The following SPATA6L variants were observed in gnomAD, a reference collection of about 807,000 sequenced individuals.
SPATA6L encodes spermatogenesis associated 6-like protein.
In SPATA6L, 68 loss-of-function variants were observed where a neutral mutation model predicts 49.2. The ratio of observed to expected loss-of-function variants is 1.38; its 90% CI spans 1.14 to 1.69. The LOEUF (loss-of-function observed/expected upper bound fraction) is 1.69, where lower values mean the gene tolerates loss of function less well. Among genes scored for constraint, SPATA6L ranks in the 40% most tolerant of loss-of-function variants. SPATA6L has a pLI of 0.00. For missense variants in SPATA6L, 668 were observed against 464.3 expected, an observed-to-expected ratio of 1.44 and a Z score of -4.03; for synonymous variants, 198 against 165.7, an observed-to-expected ratio of 1.19 and a Z score of -1.50.
At chr9:4,592,094 C>T (rs1213269641) in intron 13 of SPATA6L, among the ~76,000 whole-genome samples, 1 of 152,100 alleles carries the variant, frequency 6.6e-6, no homozygotes, top group Non-Finnish European at 1.5e-5. Flanking sequence ...GCGGGTGGAT[C>T]ATCTGAGGTC....
At position 4,632,079 on chromosome 9, in the gene SPATA6L, G is replaced by A. The variant is rs1248180267; in HGVS notation, c.352-2911C>T. On this transcript the variant is annotated intron_variant, in intron 4 of 11. Transcript: ENST00000682582. ...TTTTGAGATGCAGTCTCACTCTGTCGCCCAGGCTGGAGTGCAGTGGCATGA... is the reference window on the plus strand; with the variant it reads ...TTTTGAGATGCAGTCTCACTCTGTCACCCAGGCTGGAGTGCAGTGGCATGA... Among the ~76,000 whole-genome samples, 10 of 129,484 alleles carry A rather than the reference G, an allele frequency of 7.7e-5. 1 individual carries two copies. In the South Asian group the frequency reaches 2.2e-3, roughly 28 times the overall value. 84.9% of individuals were successfully genotyped at this position (129,484 alleles called of 152,430 possible).
At chr9:4,605,724 C>G (rs1824642015) in intron 9 of SPATA6L, among the ~76,000 whole-genome samples, 1 of 151,892 alleles carries the variant, frequency 6.6e-6, no homozygotes, top group South Asian at 2.1e-4. Flanking sequence ...AGATATTTCT[C>G]TCATGAACAA....
At position 4,618,725 on chromosome 9, in the gene SPATA6L, C is replaced by T. The variant is rs1436436105; in HGVS notation, c.807+139G>A. 17 of 806,878 alleles carry T rather than the reference C, an allele frequency of 2.1e-5. No individual in the cohort carries two copies. In the Admixed American group the frequency reaches 3.6e-4, roughly 17 times the overall value. The allele number at this position is 806,878 out of a possible 1,614,324, so 50.0% of individuals were successfully genotyped here. On this transcript the variant is annotated intron_variant, in intron 8 of 11. Transcript: ENST00000682582. ...AGTATAACATGGAGTCTGGGCACAT[C>T]TTCATACAAACACTAAACTACAGCA...
chr9:4,645,059 C>A (rs1835052420), intron 3 of SPATA6L, among the ~76,000 whole-genome samples: 1 of 152,132 alleles, frequency 6.6e-6, no homozygotes, highest in South Asian at 2.1e-4. Context: ...TCAAAAAAGA[C>A]CTGTATTTAT....
intron 4 of SPATA6L, among the ~76,000 whole-genome samples, chr9:4,632,524 A>C (rs992618256): frequency 6.6e-6 from 1 of 151,058 alleles, no homozygotes; most frequent in Non-Finnish European, 1.5e-5. Context: ...TGAACCTGGG[A>C]GGCAGAGGTT....
chr9:4,627,672 G>A (rs1830598202), intron 5 of SPATA6L: 4 of 1,170,788 alleles, frequency 3.4e-6, no homozygotes, highest in Non-Finnish European at 4.5e-6. Flanking sequence ...AAATTGGGGT[G>A]AGGGAGGCAG....
rs1416740446 is a variant in SPATA6L, at chr9:4,662,162, A to ACCTGTACCT, written c.40-135_40-127dup. 1.4e-6 allele frequency: 2 copies of ACCTGTACCT among 1,461,840 alleles called. No individual in the cohort carries two copies. The highest frequency in any genetic ancestry group is 5.1e-5 in the Admixed American group (2 of 39,354). 90.6% of individuals were successfully genotyped at this position (1,461,840 alleles called of 1,614,324 possible). Reference sequence around the variant, plus strand: ...ATTTTCCCCATCACCTCACTCCCTCACCTGTACCTCCCAACGCCAACATCC... The same window carrying ACCTGTACCT: ...ATTTTCCCCATCACCTCACTCCCTCACCTGTACCTCCTGTACCTCCCAACGCCAACATCC... On this transcript the variant is annotated intron_variant, in intron 1 of 11. Coordinates refer to ENST00000682582, the MANE Select transcript of SPATA6L (RefSeq NM_001353486.2). The surrounding 1 kb of genome is among the most constrained non-coding windows in gnomAD (Gnocchi z 4.9).
chr9:4,650,921 T>G (rs900071381), intron 3 of SPATA6L, among the ~76,000 whole-genome samples: 3 of 151,732 alleles, frequency 2.0e-5, no homozygotes, highest in African/African-American at 4.8e-5. Flanking sequence ...AGGCTGGTCT[T>G]GAACTCCTGA....
intron 3 of SPATA6L, among the ~76,000 whole-genome samples, chr9:4,648,745 G>C (rs112649156): frequency 0.018 from 2,350 of 132,040 alleles, 61 homozygotes; most frequent in African/African-American, 0.063. Context: ...TTCTTTAGTG[G>C]TGATCTGTGA....
At chr9:4,648,377 C>T (rs1835923013) in intron 3 of SPATA6L, among the ~76,000 whole-genome samples, 1 of 152,136 alleles carries the variant, frequency 6.6e-6, no homozygotes, top group Admixed American at 6.5e-5. Context: ...TTTATTTCCA[C>T]AGGTTATTGG....
In SPATA6L at chr9:4,661,919, C is replaced by T; in HGVS notation, c.157G>A (p.Glu53Lys). The T allele has an allele frequency of 6.2e-7, 1 of 1,613,870 alleles. No homozygotes were observed. Among genetic ancestry groups the T allele is most frequent in the Non-Finnish European group, 8.5e-7 (1 of 1,179,810 alleles). ...FPSAFPIMIQESMRFEKVFES... is the reference protein window; with the variant it reads ...FPSAFPIMIQKSMRFEKVFES... ...ATCACCTTTTCAAATCTCATGCTCTCCTGAATCATAATGGGGAACGCAGAG... is the reference window on the plus strand; with the variant it reads ...ATCACCTTTTCAAATCTCATGCTCTTCTGAATCATAATGGGGAACGCAGAG... Residue 53 changes from glutamate (E) to lysine (K), a missense_variant, in exon 2 of 12, where the codon GAG becomes AAG. Glu to Lys is a moderately conservative substitution (Grantham distance 56, BLOSUM62 1). Transcript: ENST00000682582.
chr9:4,643,376 C>G (rs1834481532), intron 3 of SPATA6L, among the ~76,000 whole-genome samples: 1 of 152,112 alleles, frequency 6.6e-6, no homozygotes, highest in Admixed American at 6.6e-5. Flanking sequence ...GCCATGCACT[C>G]CTGGATGCAG....
intron 5 of SPATA6L, chr9:4,627,698 A>C: frequency 1.6e-6 from 2 of 1,279,860 alleles, no homozygotes; most frequent in Non-Finnish European, 2.0e-6. Context: ...AGGACTGAAG[A>C]AGCAAGTAAA....
chr9:4,611,745 A>G (rs891219455), intron 9 of SPATA6L, among the ~76,000 whole-genome samples: 9 of 152,050 alleles, frequency 5.9e-5, no homozygotes, highest in African/African-American at 1.7e-4. Flanking sequence ...ACATGTATAC[A>G]TATGTAACTA....
At chr9:4,642,641 A>G (rs190193881) in intron 3 of SPATA6L, among the ~76,000 whole-genome samples, 1 of 152,212 alleles carries the variant, frequency 6.6e-6, no homozygotes, top group East Asian at 1.9e-4. Flanking sequence ...AAGCCTCCTC[A>G]GTCCTCTTTG....
intron 3 of SPATA6L, 81 bp downstream of exon 3, chr9:4,655,960 T>A: frequency 1.8e-6 from 2 of 1,092,282 alleles, no homozygotes; most frequent in South Asian, 2.7e-5. Context: ...ATATCACAGT[T>A]TAGAAAAGAG....
intron 11 of SPATA6L, among the ~76,000 whole-genome samples, chr9:4,603,178 T>C (rs1233321844): frequency 2.0e-5 from 3 of 152,202 alleles, no homozygotes; most frequent in East Asian, 1.9e-4. Flanking sequence ...ACGCCTGTAA[T>C]ACCAGCACTT....
At position 4,605,954 on chromosome 9, in the gene SPATA6L, G is replaced by A. The variant is rs370463557; in HGVS notation, c.996-514C>T. On this transcript the variant is annotated intron_variant, in intron 9 of 11. Transcript: ENST00000682582. ...AGTGGGCGCAGGCCAGTGTGTGCGC[G>A]CACCGTGCGCGAGCCGAAGCAGGGC... Among the ~76,000 whole-genome samples, 21 of 152,256 alleles carry A rather than the reference G, an allele frequency of 1.4e-4. No individual in the cohort carries two copies. In the East Asian group the frequency reaches 3.1e-3, roughly 23 times the overall value.
intron 3 of SPATA6L, among the ~76,000 whole-genome samples, chr9:4,645,139 C>A (rs1273236307): frequency 6.6e-6 from 1 of 152,120 alleles, no homozygotes; most frequent in African/African-American, 2.4e-5. Context: ...TATTTCCAAC[C>A]ATTTAAAAAT....
Sources: allele counts gnomAD v4.1 joint callset (sites outside exome capture counted in the v4.1 genomes callset), GRCh38; gene constraint gnomAD v4.1.1; non-coding constraint Gnocchi (gnomAD v3.1); transcripts MANE v1.5; gene names NCBI Gene and HGNC (gene_info 2026-07-23, HGNC 2026-07-21).